Variants in EFHD1 observed in about 807,000 individuals in gnomAD.
The protein encoded by EFHD1 is EF-hand domain-containing protein D1.
A neutral mutation model predicts 17.2 loss-of-function variants in EFHD1; 10 were observed. The ratio of observed to expected loss-of-function variants is 0.58; its 90% confidence interval spans 0.36 to 0.99. EFHD1 has a LOEUF of 0.99. Ranked by LOEUF, EFHD1 falls within the 50% of genes least tolerant of loss-of-function variation. The probability of loss-of-function intolerance (pLI) is 0.01; values close to 1 mark genes in which losing one functional copy is unlikely to be tolerated. For synonymous variants in EFHD1, 153 were observed against 142.0 expected (o/e 1.08, Z -0.55); for missense variants, 310 against 327.5 (o/e 0.95, Z 0.41).
chr2:232,681,207 G>T (rs965364269), intron 3 of EFHD1, among the ~76,000 whole-genome samples: 2 of 151,910 alleles, frequency 1.3e-5, no homozygotes, highest in African/African-American at 4.8e-5. Context: ...CCCATCAGGG[G>T]ATTCATTTTG....
At chr2:232,633,262 G>A, upstream of EFHD1, 1 of 179,070 alleles carries the variant, frequency 5.6e-6, no homozygotes, top group Non-Finnish European at 1.1e-5. Context: ...GCTTCCAGTC[G>A]GGTTACTTCT....
intron 1 of EFHD1, among the ~76,000 whole-genome samples, chr2:232,617,681 G>A (rs1213455549): frequency 1.4e-5 from 2 of 146,740 alleles, no homozygotes; most frequent in Non-Finnish European, 3.0e-5. Flanking sequence ...ATGCTGCCAG[G>A]GCTGGGCACG....
At chr2:232,654,463 C>T (rs1201883710) in intron 1 of EFHD1, among the ~76,000 whole-genome samples, 2 of 146,546 alleles carry the variant, frequency 1.4e-5, no homozygotes, top group Non-Finnish European at 3.0e-5. Context: ...CTCTGTCACC[C>T]AGGGTGGAGT....
chr2:232,676,809 C>G (rs955771927), intron 3 of EFHD1, among the ~76,000 whole-genome samples: 1 of 152,046 alleles, frequency 6.6e-6, no homozygotes, highest in African/African-American at 2.4e-5. Flanking sequence ...TATAAGGAAA[C>G]CCTGGGGAAA....
intron 1 of EFHD1, among the ~76,000 whole-genome samples, chr2:232,609,873 T>C (rs1693780147): frequency 6.6e-6 from 1 of 152,146 alleles, no homozygotes; most frequent in African/African-American, 2.4e-5. Context: ...TGGCTGAAGC[T>C]CCTCCGGGTC....
chr2:232,613,271 A>G (rs1383462801), intron 1 of EFHD1, among the ~76,000 whole-genome samples: 1 of 151,974 alleles, frequency 6.6e-6, no homozygotes, highest in Non-Finnish European at 1.5e-5. Flanking sequence ...TAAAAATACG[A>G]AAATGAGCTG....
intron 1 of EFHD1, among the ~76,000 whole-genome samples, chr2:232,615,312 AGTGTGTGTGTGTGTGTGTGT>A (rs35239145): frequency 7.3e-6 from 1 of 136,476 alleles, no homozygotes; most frequent in East Asian, 2.1e-4. Context: ...TGTCAACTAT[AGTGTGTGTGTGTGTGTGTGT>A]GTGTGTGTGT....
chr2:232,674,195 C>T (rs990891713), intron 3 of EFHD1, among the ~76,000 whole-genome samples: 2 of 152,230 alleles, frequency 1.3e-5, no homozygotes, highest in African/African-American at 4.8e-5. Flanking sequence ...GCGTGAGCCA[C>T]CGCACCCATG....
At chr2:232,615,830 G>A (rs1410705588) in intron 1 of EFHD1, among the ~76,000 whole-genome samples, 1 of 151,922 alleles carries the variant, frequency 6.6e-6, no homozygotes, top group Non-Finnish European at 1.5e-5. Flanking sequence ...TGGGATTACA[G>A]GCATGCGCCA....
chr2:232,667,305 G>A (rs1385572606), intron 2 of EFHD1, among the ~76,000 whole-genome samples: 3 of 152,096 alleles, frequency 2.0e-5, no homozygotes, highest in Non-Finnish European at 4.4e-5. Context: ...TCTCTCTCGG[G>A]ATTTTGAAAT....
At chr2:232,671,246 G>C (rs1695063086) in intron 2 of EFHD1, among the ~76,000 whole-genome samples, 1 of 151,324 alleles carries the variant, frequency 6.6e-6, no homozygotes, top group African/African-American at 2.4e-5. Flanking sequence ...ACCAGCCTGG[G>C]CAACGTAGAA....
chr2:232,654,751 C>T (rs545813513), intron 1 of EFHD1, among the ~76,000 whole-genome samples: 9 of 152,242 alleles, frequency 5.9e-5, no homozygotes, highest in Admixed American at 5.2e-4. Context: ...TCTCATCCCC[C>T]TCCCTGTGTT....
At chr2:232,622,826 G>A (rs967117272) in intron 1 of EFHD1, among the ~76,000 whole-genome samples, 2 of 152,098 alleles carry the variant, frequency 1.3e-5, no homozygotes, top group African/African-American at 4.8e-5. Flanking sequence ...GAGATGAGCA[G>A]CAAGTGTAAA....
At chr2:232,615,723 T>C (rs1290140958) in intron 1 of EFHD1, among the ~76,000 whole-genome samples, 2 of 150,384 alleles carry the variant, frequency 1.3e-5, no homozygotes. Flanking sequence ...GTTTCGCTCT[T>C]GTTGCCCAGG....
At chr2:232,661,204 G>A (rs959450380) in intron 1 of EFHD1, among the ~76,000 whole-genome samples, 9 of 151,952 alleles carry the variant, frequency 5.9e-5, no homozygotes, top group Non-Finnish European at 1.2e-4. Context: ...CAAGTAAGTG[G>A]ACATCATTAA....
chr2:232,667,536 A>ATTT, intron 2 of EFHD1, among the ~76,000 whole-genome samples: 1 of 150,588 alleles, frequency 6.6e-6, no homozygotes, highest in Non-Finnish European at 1.5e-5. Context: ...TTAATTAATT[A>ATTT]ATTAATTTAT....
At chr2:232,642,669 T>G (rs1417668608) in intron 1 of EFHD1, among the ~76,000 whole-genome samples, 3 of 152,152 alleles carry the variant, frequency 2.0e-5, no homozygotes, top group African/African-American at 7.2e-5. Context: ...TGTTCCCCAT[T>G]GAAAATTTCC....
chr2:232,620,746 T>C (rs1694005113), intron 1 of EFHD1, among the ~76,000 whole-genome samples: 1 of 152,132 alleles, frequency 6.6e-6, no homozygotes, highest in Non-Finnish European at 1.5e-5. Flanking sequence ...AAATTGTAAA[T>C]AGGTGAATGT....
At chr2:232,639,851 A>G (rs887649634) in intron 1 of EFHD1, among the ~76,000 whole-genome samples, 4 of 152,132 alleles carry the variant, frequency 2.6e-5, no homozygotes, top group African/African-American at 9.7e-5. Context: ...AAATCTCTGT[A>G]TATCATGTGC....
Sources: gnomAD v4.1 joint callset for allele counts (sites outside exome capture counted in the v4.1 genomes callset) on GRCh38, gnomAD v4.1.1 for gene constraint, MANE v1.5 for transcripts, NCBI Gene and HGNC (gene_info 2026-07-23, HGNC 2026-07-21) for gene names.